The following PEX7 variants were observed in gnomAD, a reference collection of about 807,000 sequenced individuals.
PEX7 encodes the protein PTS2 receptor.
A neutral mutation model predicts 47.5 loss-of-function variants in PEX7; 34 were observed. The observed-to-expected ratio is 0.72, with a 90% CI of 0.54 to 0.95. PEX7 has a LOEUF of 0.95. Ranked by LOEUF, PEX7 falls within the 40% of genes least tolerant of loss-of-function variation. PEX7 has a pLI of 0.00. For missense variants in PEX7, 394 were observed against 400.3 expected, an observed-to-expected ratio of 0.98 and a Z score of 0.13; for synonymous variants, 141 against 148.8, an observed-to-expected ratio of 0.95 and a Z score of 0.38.
intron 8 of PEX7, among the ~76,000 whole-genome samples, chr6:136,896,092 A>C (rs1301471014): frequency 6.6e-6 from 1 of 152,222 alleles, no homozygotes; most frequent in South Asian, 2.1e-4. Flanking sequence ...CTTAATTTTC[A>C]TAAGGCCCAC....
At chr6:136,883,776 CTG>C (rs1196819716) in intron 8 of PEX7, among the ~76,000 whole-genome samples, 4 of 152,272 alleles carry the variant, frequency 2.6e-5, no homozygotes, top group Non-Finnish European at 5.9e-5. Context: ...GCTTGTTTAT[CTG>C]TGTTATTTAT....
At chr6:136,887,259 ATTAC>A (rs1032544269) in intron 8 of PEX7, among the ~76,000 whole-genome samples, 1 of 152,120 alleles carries the variant, frequency 6.6e-6, no homozygotes, top group African/African-American at 2.4e-5. Flanking sequence ...TTAATTGTAT[ATTAC>A]TTAATATATA....
At chr6:136,896,879 C>A (rs1487624899) in intron 8 of PEX7, among the ~76,000 whole-genome samples, 1 of 152,020 alleles carries the variant, frequency 6.6e-6, no homozygotes, top group Non-Finnish European at 1.5e-5. Context: ...TTATCGGGAC[C>A]CAGAAAATTA....
chr6:136,829,078 CTT>C (rs1457293955), intron 3 of PEX7, among the ~76,000 whole-genome samples: 1 of 152,118 alleles, frequency 6.6e-6, no homozygotes, highest in Non-Finnish European at 1.5e-5. Flanking sequence ...AATTAAATGG[CTT>C]CAACAGTCAG....
rs528974081 is a variant in PEX7 at position 136,829,915 on chromosome 6, C to T, written c.339+3446C>T. ...TCGTGCCATTGCACTCCAGCCTGGA[C>T]AACAGAGTGAGACCCTGTCTTAAAA... On this transcript the variant is annotated intron_variant, in intron 3 of 9. Transcript: ENST00000318471. 267 of 676,492 alleles carry T rather than the reference C, an allele frequency of 3.9e-4. 6 individuals carry two copies. The South Asian group carries it at 4.2e-3, about 11-fold the overall frequency. 41.9% of individuals were successfully genotyped at this position (676,492 alleles called of 1,614,324 possible). A position where few individuals can be genotyped will look rare whatever the true frequency, so the allele number is the denominator to read the frequency against.
chr6:136,823,116 C>T (rs1353050393), intron 1 of PEX7: 5 of 985,430 alleles, frequency 5.1e-6, no homozygotes, highest in Non-Finnish European at 6.0e-6. Flanking sequence ...TAGGGAGAGC[C>T]GGGGGAGCCT....
At chr6:136,895,106 C>T (rs900641867) in intron 8 of PEX7, among the ~76,000 whole-genome samples, 3 of 152,250 alleles carry the variant, frequency 2.0e-5, no homozygotes, top group Non-Finnish European at 2.9e-5. Flanking sequence ...CACCCACTTT[C>T]TCCCTGTTAG....
At chr6:136,907,254 A>G (rs1172509744) in intron 9 of PEX7, among the ~76,000 whole-genome samples, 2 of 152,158 alleles carry the variant, frequency 1.3e-5, no homozygotes, top group Non-Finnish European at 2.9e-5. Flanking sequence ...TATGTGCTAA[A>G]TAGCTATTCA....
intron 3 of PEX7, among the ~76,000 whole-genome samples, chr6:136,841,106 T>G (rs1171249668): frequency 6.6e-6 from 1 of 152,180 alleles, no homozygotes; most frequent in Non-Finnish European, 1.5e-5. Context: ...GCCTAGTACA[T>G]AGTAGGTGCT....
At chr6:136,859,014 G>T (rs770804868) in intron 5 of PEX7, among the ~76,000 whole-genome samples, 3 of 152,184 alleles carry the variant, frequency 2.0e-5, no homozygotes, top group Non-Finnish European at 4.4e-5. Context: ...CAGTCAAGAT[G>T]TATTTTTATG....
chr6:136,897,218 A>T (rs1429261639), intron 8 of PEX7, among the ~76,000 whole-genome samples: 1 of 152,174 alleles, frequency 6.6e-6, no homozygotes, highest in Non-Finnish European at 1.5e-5. Flanking sequence ...GGTTCTGTGT[A>T]TTTACTCTCT....
chr6:136,825,236 G>A lies in PEX7; in HGVS notation c.153G>A (p.Leu51=), dbSNP rs1464676602. The stretch of plus-strand genomic sequence containing the variant: ...TAGGCTGTGGAACCCTACTAATATT[G>A]GATCCAGATGAAGCTGGGCTAAGGC... ...GIAGCGTLLI[L]DPDEAGLRLF... is the part of the protein sequence containing the mutation. Residue 51 remains leucine (L), a synonymous_variant, in exon 2 of 10, where the codon TTG becomes TTA. Transcript: ENST00000318471. 2 of 1,613,786 alleles carry A rather than the reference G, an allele frequency of 1.2e-6. No individual in the cohort carries two copies. Among genetic ancestry groups the A allele is most frequent in the East Asian group, 2.2e-5 (1 of 44,864 alleles).
At chr6:136,845,193 TAAGA>T (rs1442766525) in intron 3 of PEX7, among the ~76,000 whole-genome samples, 2 of 152,254 alleles carry the variant, frequency 1.3e-5, no homozygotes, top group African/African-American at 4.8e-5. Flanking sequence ...AAGCTTTTTC[TAAGA>T]AAGGCCAGAT....
intron 9 of PEX7, among the ~76,000 whole-genome samples, chr6:136,899,022 C>G (rs1775703182): frequency 6.7e-6 from 1 of 150,204 alleles, no homozygotes; most frequent in African/African-American, 2.4e-5. Flanking sequence ...GAAAATCCCA[C>G]TTCACATTAA....
chr6:136,898,348 A>G, intron 9 of PEX7, 107 bp downstream of exon 9: 1 of 760,588 alleles, frequency 1.3e-6, no homozygotes, highest in Non-Finnish European at 2.4e-6. Flanking sequence ...TAGCTATATA[A>G]GCTGGAGCGT....
chr6:136,885,561 C>T (rs1438929477), intron 8 of PEX7, among the ~76,000 whole-genome samples: 1 of 152,168 alleles, frequency 6.6e-6, no homozygotes, highest in Non-Finnish European at 1.5e-5. Flanking sequence ...TACAACTGTA[C>T]TCTACTTTAA....
Position 136,872,298 on chromosome 6 carries a change from A to G in PEX7, c.803+45A>G, listed in dbSNP as rs17065686. The G allele has an allele frequency of 0.041, 61,876 of 1,491,062 alleles. 3,148 individuals are homozygous for G. The highest frequency in any genetic ancestry group is 0.25 in the African/African-American group (18,091 of 72,060). The allele number at this position is 1,491,062 out of a possible 1,614,324, so 92.4% of individuals were successfully genotyped here. On this transcript the variant is annotated intron_variant, in intron 8 of 9. Coordinates refer to ENST00000318471, the MANE Select transcript of PEX7 (RefSeq NM_000288.4). ...ATTTCATTGTGAAATACCAGGTAAC[A>G]TTTGCATCTTTGCAACTTTTATAAG... is the stretch of plus-strand genomic sequence containing the variant.
At chr6:136,855,154 C>G (rs1273227701) in intron 5 of PEX7, among the ~76,000 whole-genome samples, 2 of 151,264 alleles carry the variant, frequency 1.3e-5, no homozygotes, top group Admixed American at 1.3e-4. Context: ...CTGCTGGGAG[C>G]TCTAATTGGC....
chr6:136,905,458 C>T (rs980347509), intron 9 of PEX7, among the ~76,000 whole-genome samples: 3 of 152,124 alleles, frequency 2.0e-5, no homozygotes, highest in African/African-American at 4.8e-5. Context: ...TCTTTTAAAC[C>T]TGTCTTCCTT....
Sources: gnomAD v4.1 joint callset for allele counts (sites outside exome capture counted in the v4.1 genomes callset) on GRCh38, gnomAD v4.1.1 for gene constraint, MANE v1.5 for transcripts, NCBI Gene and HGNC (gene_info 2026-07-23, HGNC 2026-07-21) for gene names.